Variants in ARHGAP18 observed in about 807,000 individuals in gnomAD.
The protein encoded by ARHGAP18 is rho GTPase-activating protein 18.
ARHGAP18 carries 67 observed loss-of-function variants against 86.2 expected under a neutral mutation model. That is an observed-to-expected ratio of 0.78 (90% CI 0.64 to 0.95). ARHGAP18 has a LOEUF of 0.95. Ranked by LOEUF, ARHGAP18 falls within the 40% of genes least tolerant of loss-of-function variation. ARHGAP18 has a pLI of 0.00. For missense variants in ARHGAP18, 691 were observed against 780.4 expected, an observed-to-expected ratio of 0.89 and a Z score of 1.37; for synonymous variants, 283 against 280.4, an observed-to-expected ratio of 1.01 and a Z score of -0.09.
intron 1 of ARHGAP18, among the ~76,000 whole-genome samples, chr6:129,690,592 T>G (rs1050813926): frequency 6.6e-6 from 1 of 152,198 alleles, no homozygotes; most frequent in Non-Finnish European, 1.5e-5. Context: ...CAATATGTAA[T>G]GCAAATAAAA....
chr6:129,704,084 A>T (rs1253763378), intron 1 of ARHGAP18, among the ~76,000 whole-genome samples: 1 of 150,268 alleles, frequency 6.7e-6, no homozygotes, highest in Non-Finnish European at 1.5e-5. Context: ...ATGTAAAAAC[A>T]CTGAACTAAT....
intron 1 of ARHGAP18, among the ~76,000 whole-genome samples, chr6:129,682,467 T>C (rs919737571): frequency 1.3e-5 from 2 of 151,952 alleles, no homozygotes; most frequent in Admixed American, 6.5e-5. Flanking sequence ...AATCAAAGCA[T>C]AGCTGTCACC....
intron 1 of ARHGAP18, among the ~76,000 whole-genome samples, chr6:129,696,802 A>G (rs1584119982): frequency 6.6e-6 from 1 of 152,230 alleles, no homozygotes; most frequent in Non-Finnish European, 1.5e-5. Flanking sequence ...TCTGTATAAG[A>G]GAAGCAAGCA....
At chr6:129,619,651 G>A (rs1218318810) in intron 5 of ARHGAP18, among the ~76,000 whole-genome samples, 1 of 143,590 alleles carries the variant, frequency 7.0e-6, no homozygotes, top group Non-Finnish European at 1.5e-5. Flanking sequence ...GGAGGGGGAG[G>A]GGGAAACAGA....
rs1179146587 is a variant in ARHGAP18 at position 129,605,950 on chromosome 6, G to A, written c.1292C>T (p.Thr431Ile). ...KAFQAVQNLP[T>I]KKQQLQALNL... ...CAAAGCCTGTAGTTGCTGCTTCTTG[G>A]TTGGAAGATCTGCAGACAAATTAAA... The change falls in exon 10 of 15, where the codon ACC (threonine) becomes ATC (isoleucine). Residue 431 changes from threonine to isoleucine, a missense_variant. Thr to Ile is a moderately conservative substitution (Grantham distance 89). Transcript: ENST00000368149. 1.2e-6 allele frequency: 2 copies of A among 1,613,200 alleles called. No homozygotes were observed. Among genetic ancestry groups the A allele is most frequent in the South Asian group, 1.1e-5 (1 of 91,072 alleles).
At chr6:129,704,927 T>C (rs116436244) in intron 1 of ARHGAP18, among the ~76,000 whole-genome samples, 1,655 of 152,326 alleles carry the variant, frequency 0.011, 32 homozygotes, top group African/African-American at 0.038. Flanking sequence ...CCTGCAGTCA[T>C]GCAGGGCTCT....
At chr6:129,656,177 C>T (rs915541336) in intron 1 of ARHGAP18, among the ~76,000 whole-genome samples, 1 of 152,212 alleles carries the variant, frequency 6.6e-6, no homozygotes, top group African/African-American at 2.4e-5. Flanking sequence ...CAGGGCTTTA[C>T]CACTGATCTC....
intron 11 of ARHGAP18, 75 bp from the exon 12 acceptor site, chr6:129,599,431 T>A: frequency 1.6e-6 from 2 of 1,246,292 alleles, no homozygotes; most frequent in South Asian, 2.2e-5. Flanking sequence ...AAAATTATAT[T>A]TTTTTAAATT....
chr6:129,626,033 T>C (rs1233584427), intron 5 of ARHGAP18, among the ~76,000 whole-genome samples: 1 of 115,256 alleles, frequency 8.7e-6, no homozygotes, highest in African/African-American at 3.3e-5. Flanking sequence ...TAGCTATCTA[T>C]ATATATACAC....
At chr6:129,632,169 C>T (rs893519899) in intron 4 of ARHGAP18, among the ~76,000 whole-genome samples, 68 of 152,308 alleles carry the variant, frequency 4.5e-4, no homozygotes, top group African/African-American at 1.6e-3. Flanking sequence ...TTGGCTTACA[C>T]TGGTTAATTC....
At chr6:129,703,417 G>A (rs1774751358) in intron 1 of ARHGAP18, among the ~76,000 whole-genome samples, 1 of 152,180 alleles carries the variant, frequency 6.6e-6, no homozygotes, top group African/African-American at 2.4e-5. Flanking sequence ...GAAGAGACAA[G>A]GCAGCACAGT....
chr6:129,641,554 C>A (rs564104375), intron 2 of ARHGAP18, among the ~76,000 whole-genome samples: 10 of 152,284 alleles, frequency 6.6e-5, no homozygotes, highest in Non-Finnish European at 1.2e-4. Context: ...AAGATGAAGT[C>A]TAACTCTAAA....
chr6:129,602,855 C>T (rs553200007), intron 10 of ARHGAP18, among the ~76,000 whole-genome samples: 1 of 151,748 alleles, frequency 6.6e-6, no homozygotes, highest in Non-Finnish European at 1.5e-5. Flanking sequence ...TATGTAATAA[C>T]GTTACTCAAA....
At chr6:129,654,596 C>G (rs1176591486) in intron 1 of ARHGAP18, among the ~76,000 whole-genome samples, 1 of 152,124 alleles carries the variant, frequency 6.6e-6, no homozygotes, top group Admixed American at 6.5e-5. Context: ...TGAAGAAGAG[C>G]GTAAGTAGTT....
intron 1 of ARHGAP18, among the ~76,000 whole-genome samples, chr6:129,689,153 C>T (rs1296765873): frequency 6.6e-6 from 1 of 152,104 alleles, no homozygotes; most frequent in Non-Finnish European, 1.5e-5. Context: ...GAGGCCTTGT[C>T]AGGCATTTGG....
chr6:129,620,136 T>C (rs1210189528), intron 5 of ARHGAP18, among the ~76,000 whole-genome samples: 1 of 152,178 alleles, frequency 6.6e-6, no homozygotes, highest in African/African-American at 2.4e-5. Context: ...GAAATATTTG[T>C]ATATACACAA....
intron 10 of ARHGAP18, among the ~76,000 whole-genome samples, chr6:129,601,377 T>C (rs915972146): frequency 6.6e-6 from 1 of 151,934 alleles, no homozygotes; most frequent in African/African-American, 2.4e-5. Context: ...GGCATGGTGG[T>C]GTACACCTGT....
At chr6:129,673,976 C>T (rs1053634300) in intron 1 of ARHGAP18, among the ~76,000 whole-genome samples, 20 of 152,160 alleles carry the variant, frequency 1.3e-4, no homozygotes, top group African/African-American at 4.6e-4. Context: ...CACACATACA[C>T]ACACTCCTCC....
chr6:129,665,939 A>G (rs372244676), intron 1 of ARHGAP18, among the ~76,000 whole-genome samples: 3 of 152,294 alleles, frequency 2.0e-5, no homozygotes, highest in African/African-American at 7.2e-5. Context: ...TCTTTCTATC[A>G]GGACTTTTAA....
Sources: allele counts gnomAD v4.1 joint callset (sites outside exome capture counted in the v4.1 genomes callset), GRCh38; gene constraint gnomAD v4.1.1; transcripts MANE v1.5; gene names NCBI Gene and HGNC (gene_info 2026-07-23, HGNC 2026-07-21).